CHST9: variants seen among roughly 807,000 people sequenced by gnomAD.
CHST9 encodes GalNAc-4-sulfotransferase 2.
A neutral mutation model predicts 44.4 loss-of-function variants in CHST9; 41 were observed. The ratio of observed to expected loss-of-function variants is 0.92; its 90% CI spans 0.72 to 1.20. The LOEUF (loss-of-function observed/expected upper bound fraction) is 1.20. Ranked by LOEUF, CHST9 falls within the 50% of genes most tolerant of loss-of-function variation. The probability of loss-of-function intolerance (pLI) is 0.00; values close to 1 mark genes in which losing one functional copy is unlikely to be tolerated. For synonymous variants in CHST9, 171 were observed against 178.4 expected (o/e 0.96, Z 0.33); for missense variants, 504 against 516.5 (o/e 0.98, Z 0.23).
At chr18:27,119,844 T>C (rs2058359852) in intron 2 of CHST9, among the ~76,000 whole-genome samples, 1 of 152,094 alleles carries the variant, frequency 6.6e-6, no homozygotes, top group Non-Finnish European at 1.5e-5. Flanking sequence ...CAATGTTAAG[T>C]AAGGGTCAGG....
At chr18:27,113,666 C>T (rs2058294739) in intron 2 of CHST9, among the ~76,000 whole-genome samples, 1 of 152,142 alleles carries the variant, frequency 6.6e-6, no homozygotes, top group African/African-American at 2.4e-5. Context: ...AGCTAGAAAA[C>T]AGCTCCTCAC....
intron 4 of CHST9, among the ~76,000 whole-genome samples, chr18:26,964,938 G>A (rs1598600296): frequency 6.6e-6 from 1 of 152,202 alleles, no homozygotes; most frequent in East Asian, 1.9e-4. Flanking sequence ...TTTCTGCCTA[G>A]TGGTCAGAAG....
chr18:26,952,549 C>T (rs12327234), intron 4 of CHST9: 38,296 of 435,164 alleles, frequency 0.088, 1,882 homozygotes, highest in Middle Eastern at 0.14. Flanking sequence ...TCTTTTACCA[C>T]CTTGTGAAAG....
chr18:26,925,100 T>C (rs1333164414), intron 5 of CHST9, among the ~76,000 whole-genome samples: 1 of 151,464 alleles, frequency 6.6e-6, no homozygotes, highest in Non-Finnish European at 1.5e-5. Flanking sequence ...TGGGAGGTAA[T>C]GAGATGGAGA....
intron 4 of CHST9, among the ~76,000 whole-genome samples, chr18:27,014,559 A>C (rs1486168176): frequency 6.6e-6 from 1 of 150,722 alleles, no homozygotes; most frequent in Non-Finnish European, 1.5e-5. Flanking sequence ...TTTATATTGT[A>C]AGAGCCCCTC....
At chr18:27,053,287 A>AG (rs2057608516) in intron 2 of CHST9, among the ~76,000 whole-genome samples, 10 of 136,806 alleles carry the variant, frequency 7.3e-5, no homozygotes, top group Admixed American at 3.7e-4. Context: ...AAGGAGAAGG[A>AG]GAAGGAGAAG....
At chr18:26,973,605 G>A (rs142646370) in intron 4 of CHST9, among the ~76,000 whole-genome samples, 2 of 152,156 alleles carry the variant, frequency 1.3e-5, no homozygotes, top group East Asian at 3.8e-4. Context: ...TTTTAAAAGC[G>A]TATCTGCTAT....
At chr18:27,080,181 A>C (rs1397633226) in intron 2 of CHST9, among the ~76,000 whole-genome samples, 1 of 152,102 alleles carries the variant, frequency 6.6e-6, no homozygotes, top group African/African-American at 2.4e-5. Context: ...ATGACCATAA[A>C]ACAAGGTAGA....
At chr18:27,003,173 G>T (rs1302642359) in intron 4 of CHST9, among the ~76,000 whole-genome samples, 1 of 152,166 alleles carries the variant, frequency 6.6e-6, no homozygotes, top group South Asian at 2.1e-4. Flanking sequence ...GAGGTGCTAA[G>T]AGTGGCTTAT....
chr18:26,956,595 G>C (rs2056329283), intron 4 of CHST9, among the ~76,000 whole-genome samples: 1 of 151,716 alleles, frequency 6.6e-6, no homozygotes, highest in Non-Finnish European at 1.5e-5. Flanking sequence ...CCTTAGCCTG[G>C]TGGAGATGAC....
chr18:27,177,341 A>G (rs2058876487), intron 1 of CHST9, among the ~76,000 whole-genome samples: 1 of 151,960 alleles, frequency 6.6e-6, no homozygotes, highest in Admixed American at 6.6e-5. Flanking sequence ...AAATGTATTC[A>G]TTAAAGTATA....
At chr18:27,016,383 C>G (rs547646348) in intron 4 of CHST9, among the ~76,000 whole-genome samples, 12 of 152,318 alleles carry the variant, frequency 7.9e-5, no homozygotes, top group Non-Finnish European at 1.5e-4. Context: ...ACAGAGTGCT[C>G]TTCTCCACTG....
At chr18:27,024,829 G>T (rs371845431) in intron 3 of CHST9, among the ~76,000 whole-genome samples, 10 of 152,188 alleles carry the variant, frequency 6.6e-5, no homozygotes, top group African/African-American at 1.7e-4. Context: ...GGTTTTCCTT[G>T]AACGGGTGAT....
At chr18:27,156,089 T>C (rs1254543433) in intron 1 of CHST9, among the ~76,000 whole-genome samples, 3 of 151,228 alleles carry the variant, frequency 2.0e-5, no homozygotes, top group Non-Finnish European at 4.4e-5. Flanking sequence ...ACTTTTAATA[T>C]ACATTAATAA....
chr18:27,002,980 C>T (rs949168750), intron 4 of CHST9, among the ~76,000 whole-genome samples: 4 of 152,120 alleles, frequency 2.6e-5, no homozygotes, highest in Non-Finnish European at 4.4e-5. Context: ...CATTGTAACT[C>T]AACCACATGG....
chr18:27,104,035 AATATG>A (rs1392491023), intron 2 of CHST9, among the ~76,000 whole-genome samples: 3 of 152,160 alleles, frequency 2.0e-5, no homozygotes, highest in African/African-American at 7.2e-5. Context: ...TTAAATATAT[AATATG>A]ATATTTAAAA....
chr18:26,941,133 C>A (rs565495727), intron 5 of CHST9, among the ~76,000 whole-genome samples: 1 of 152,116 alleles, frequency 6.6e-6, no homozygotes, highest in Non-Finnish European at 1.5e-5. Flanking sequence ...TTTGGCAGCC[C>A]TAGGGACCGA....
chr18:26,939,635 CATCCAAGGGACTGCT>C lies in CHST9; in HGVS notation c.240+4679_240+4693del, dbSNP rs369509862. Among the ~76,000 whole-genome samples, 1,103 of 152,270 alleles carry C rather than the reference CATCCAAGGGACTGCT, an allele frequency of 7.2e-3. 12 individuals carry two copies. Among genetic ancestry groups the C allele is most frequent in the African/African-American group, 0.026 (1,060 of 41,552 alleles). Reference sequence around the variant, plus strand: ...GCACCCAAGACCTGGTCCTTGTTCCCATCCAAGGGACTGCTTTGGGACTAGGAGGCTTAAGAAGCC... The same window carrying C: ...GCACCCAAGACCTGGTCCTTGTTCCCTTGGGACTAGGAGGCTTAAGAAGCC... On this transcript the variant is annotated intron_variant, in intron 5 of 5. Transcript: ENST00000618847.
At chr18:27,154,533 A>G (rs1354622917) in intron 1 of CHST9, among the ~76,000 whole-genome samples, 1 of 152,152 alleles carries the variant, frequency 6.6e-6, no homozygotes, top group African/African-American at 2.4e-5. Flanking sequence ...GTGGTGTGCA[A>G]GCTGACTGAA....
Sources: allele counts gnomAD v4.1 joint callset (sites outside exome capture counted in the v4.1 genomes callset), GRCh38; gene constraint gnomAD v4.1.1; transcripts MANE v1.5; gene names NCBI Gene and HGNC (gene_info 2026-07-23, HGNC 2026-07-21).